Variants in CD163L1 observed in about 807,000 individuals in gnomAD.
CD163L1 encodes scavenger receptor cysteine-rich type 1 protein M160.
Under a neutral mutation model 165.4 loss-of-function variants are expected in CD163L1, and 124 were observed. That is an observed-to-expected ratio of 0.75 (90% CI 0.65 to 0.87). The LOEUF (loss-of-function observed/expected upper bound fraction) is 0.87, where lower values mean the gene tolerates loss of function less well. Among genes scored for constraint, CD163L1 ranks in the 40% least tolerant of loss-of-function variants. The pLI is 0.00. For synonymous variants in CD163L1, 585 were observed against 662.2 expected (o/e 0.88, Z 1.79); for missense variants, 1,525 against 1,799.9 (o/e 0.85, Z 2.76).
chr12:7,441,131 A>T, intron 2 of CD163L1, 23 bp downstream of exon 2: 1 of 1,565,448 alleles, frequency 6.4e-7, no homozygotes, highest in East Asian at 2.2e-5. Flanking sequence ...TAAGCCCAAA[A>T]GTTATCATCC....
the CD163L1 span, chr12:7,323,627 T>C: frequency 7.2e-7 from 1 of 1,389,038 alleles, no homozygotes; most frequent in Non-Finnish European, 1.0e-6. Flanking sequence ...TTCCACCGTG[T>C]CTTGCTATGT....
Position 7,347,791 on chromosome 12 carries a change from A to G in CD163L1, c.*25-644T>C, listed in dbSNP as rs1392084250. Among the ~76,000 whole-genome samples, 6 of 152,104 alleles carry G rather than the reference A, an allele frequency of 3.9e-5. No individual in the cohort carries two copies. The highest frequency in any genetic ancestry group is 2.9e-5 in the Non-Finnish European group (2 of 68,004). On this transcript the variant is annotated intron_variant, in intron 4 of 4. Transcript: ENST00000539726. The surrounding 1 kb of genome is among the most constrained non-coding windows in gnomAD (Gnocchi z 4.2). ...GTCTCAAAAAAAAAAAGAAAAAGAA[A>G]TGGTCTCTTATGCTAAGGATGCCAT...
rs1565817376 is a variant in CD163L1 at position 7,432,560 on chromosome 12, C to A, written c.622G>T (p.Val208Phe). 6.2e-7 allele frequency: 1 copy of A among 1,614,116 alleles called. No individual in the cohort carries two copies. The highest frequency in any genetic ancestry group is 1.3e-5 in the African/African-American group (1 of 75,024). The change falls in exon 4 of 20, where the codon GTT becomes TTT. Residue 208 changes from valine to phenylalanine, a missense_variant. Coordinates refer to ENST00000313599, the MANE Select transcript of CD163L1 (RefSeq NM_174941.6). The surrounding 1 kb of genome is among the most constrained non-coding windows in gnomAD (Gnocchi z 4.2). Reference sequence around the variant, plus strand: ...GGGCGCAATACAGCAGGGCTATTAACAACTCCAGAAGAAATAAAAGAAGAT... The same window carrying A: ...GGGCGCAATACAGCAGGGCTATTAAAAACTCCAGAAGAAATAAAAGAAGAT... ...CPSSFISSGV[V>F]NSPAVLRPIW... is the part of the protein sequence containing the mutation.
intron 9 of CD163L1, 77 bp from the exon 10 acceptor site, chr12:7,376,091 C>T: frequency 7.6e-7 from 1 of 1,316,720 alleles, no homozygotes; most frequent in Non-Finnish European, 1.0e-6. Context: ...CATATCTAAC[C>T]CCAGAGCAAT....
At chr12:7,329,961 G>A in the CD163L1 span, among the ~76,000 whole-genome samples, 2 of 152,140 alleles carry the variant, frequency 1.3e-5, no homozygotes, top group Non-Finnish European at 2.9e-5. Context: ...ATGTTCTGTA[G>A]GCATATGGCT....
intron 18 of CD163L1, among the ~76,000 whole-genome samples, 184 bp downstream of exon 18, chr12:7,367,052 A>G (rs977456185): frequency 8.5e-5 from 13 of 152,190 alleles, no homozygotes; most frequent in African/African-American, 2.9e-4. Flanking sequence ...GTGAGAATGT[A>G]TATTCCAGTT....
At chr12:7,405,611 T>C (rs1445635334) in intron 5 of CD163L1, among the ~76,000 whole-genome samples, 1 of 152,228 alleles carries the variant, frequency 6.6e-6, no homozygotes, top group Non-Finnish European at 1.5e-5. Context: ...TTTTTCTATG[T>C]ATATCGTTCC....
At chr12:7,349,893 T>A (rs1260986610) in intron 4 of CD163L1, among the ~76,000 whole-genome samples, 1 of 152,156 alleles carries the variant, frequency 6.6e-6, no homozygotes, top group Non-Finnish European at 1.5e-5. Context: ...CTCATACTCT[T>A]CAAAATATCT....
intron 4 of CD163L1, among the ~76,000 whole-genome samples, chr12:7,407,743 G>A (rs1056356766): frequency 1.3e-5 from 2 of 151,002 alleles, no homozygotes; most frequent in African/African-American, 4.9e-5. Context: ...GAAAGCCTGA[G>A]AACTTGAAGA....
At chr12:7,440,020 C>T in intron 2 of CD163L1, 1 of 1,407,228 alleles carries the variant, frequency 7.1e-7, no homozygotes, top group Non-Finnish European at 9.9e-7. Flanking sequence ...CGAGGAAAAC[C>T]CGCTGCGACA....
At chr12:7,380,349 G>A (rs927030765) in intron 8 of CD163L1, among the ~76,000 whole-genome samples, 6 of 145,686 alleles carry the variant, frequency 4.1e-5, no homozygotes, top group Non-Finnish European at 6.0e-5. Flanking sequence ...ATACATACAT[G>A]TATGTGTGTA....
At chr12:7,331,888 A>C in the CD163L1 span, among the ~76,000 whole-genome samples, 32,085 of 152,170 alleles carry the variant, frequency 0.21, 3,894 homozygotes, top group African/African-American at 0.33. Context: ...CTCCTCCTCC[A>C]AAGGAACGCA....
At position 7,423,262 on chromosome 12, in the gene CD163L1, T is replaced by C. The variant is rs60571122; in HGVS notation, c.766+9154A>G. Among the ~76,000 whole-genome samples the C allele has an allele frequency of 2.0e-5, 3 of 152,116 alleles. No homozygotes were observed. The East Asian group carries it at 5.8e-4, about 29-fold the overall frequency. On this transcript the variant is annotated intron_variant, in intron 4 of 19. Coordinates refer to ENST00000313599, the MANE Select transcript of CD163L1 (RefSeq NM_174941.6). ...AATAACAAAACTAAGGCAGAAATAATGAAGTTCCTTGAAACCAATGAGAAC... is the reference window on the plus strand; with the variant it reads ...AATAACAAAACTAAGGCAGAAATAACGAAGTTCCTTGAAACCAATGAGAAC...
At position 7,377,553 on chromosome 12, in the gene CD163L1, C is replaced by T. The variant is rs768991555; in HGVS notation, c.2371+1425G>A. ...TAGTCTATGCCTATTATCCCAACAT[C>T]TTTACCTCCCATTTCCTTCTCAACT... On this transcript the variant is annotated intron_variant, in intron 9 of 19. Coordinates refer to ENST00000313599, the MANE Select transcript of CD163L1 (RefSeq NM_174941.6). 5.3e-5 allele frequency among the ~76,000 whole-genome samples: 8 copies of T among 152,296 alleles called. No homozygotes were observed. The East Asian group carries it at 1.4e-3, about 26-fold the overall frequency.
chr12:7,365,418 G>T (rs756969728), intron 18 of CD163L1, among the ~76,000 whole-genome samples: 9 of 152,110 alleles, frequency 5.9e-5, no homozygotes, highest in African/African-American at 2.2e-4. Flanking sequence ...AGACAAATGG[G>T]ATTATATCAA....
chr12:7,357,558 C>A, intron 18 of CD163L1, 72 bp from the exon 19 acceptor site: 1 of 1,281,524 alleles, frequency 7.8e-7, no homozygotes. Flanking sequence ...CTGTTAAGTG[C>A]AGTGTTTGAT....
intron 18 of CD163L1, among the ~76,000 whole-genome samples, chr12:7,363,470 A>T (rs1288869254): frequency 6.6e-6 from 1 of 152,114 alleles, no homozygotes; most frequent in Admixed American, 6.6e-5. Context: ...AAAATCTACA[A>T]AGGAGCAACA....
At chr12:7,341,715 C>T (rs376886428), downstream of CD163L1, among the ~76,000 whole-genome samples, 12 of 152,042 alleles carry the variant, frequency 7.9e-5, no homozygotes, top group African/African-American at 1.9e-4. Flanking sequence ...GGATGGGAAA[C>T]GACCCATTAC....
At chr12:7,336,195 A>G in the CD163L1 span, among the ~76,000 whole-genome samples, 1 of 145,648 alleles carries the variant, frequency 6.9e-6, no homozygotes, top group African/African-American at 2.6e-5. Context: ...GCTGCTATAA[A>G]GACACATGCA....
Sources: gnomAD v4.1 joint callset for allele counts (sites outside exome capture counted in the v4.1 genomes callset) on GRCh38, gnomAD v4.1.1 for gene constraint, Gnocchi (gnomAD v3.1) non-coding constraint, MANE v1.5 for transcripts, NCBI Gene and HGNC (gene_info 2026-07-23, HGNC 2026-07-21) for gene names.